The following MORN5 variants were observed in gnomAD, a reference collection of about 807,000 sequenced individuals.
MORN5 encodes MORN repeat containing 5.
Under a neutral mutation model 22.1 loss-of-function variants are expected in MORN5, and 21 were observed. That is an observed-to-expected ratio of 0.95 (90% CI 0.67 to 1.37). The LOEUF (loss-of-function observed/expected upper bound fraction) is 1.37, where lower values mean the gene tolerates loss of function less well. MORN5 is among the 40% of genes most tolerant of loss of function. MORN5 has a pLI of 0.00. For synonymous variants in MORN5, 73 were observed against 74.0 expected, an observed-to-expected ratio of 0.99 and a Z score of 0.07; for missense variants, 211 against 215.1, an observed-to-expected ratio of 0.98 and a Z score of 0.12.
At chr9:122,182,750 C>CA (rs1245539695) in intron 4 of MORN5, among the ~76,000 whole-genome samples, 1 of 152,172 alleles carries the variant, frequency 6.6e-6, no homozygotes, top group African/African-American at 2.4e-5. Context: ...GACTCAGTCT[C>CA]AAAAACCAAC....
chr9:122,189,152 G>A (rs1034253249), intron 4 of MORN5, among the ~76,000 whole-genome samples: 6 of 151,476 alleles, frequency 4.0e-5, no homozygotes, highest in African/African-American at 1.2e-4. Flanking sequence ...CCAAGATCAC[G>A]CCACTGCACT....
At chr9:122,185,914 C>T (rs935562291) in intron 4 of MORN5, among the ~76,000 whole-genome samples, 1 of 152,182 alleles carries the variant, frequency 6.6e-6, no homozygotes, top group Non-Finnish European at 1.5e-5. Context: ...AGTGAGACTC[C>T]CCCACAGCCT....
chr9:122,180,730 C>T (rs993111656), intron 4 of MORN5, among the ~76,000 whole-genome samples: 1 of 152,322 alleles, frequency 6.6e-6, no homozygotes, highest in East Asian at 1.9e-4. Context: ...TCCTCCACTC[C>T]ACTGCTTTGC....
chr9:122,166,132 C>T (rs1238264895), intron 1 of MORN5, among the ~76,000 whole-genome samples: 1 of 152,120 alleles, frequency 6.6e-6, no homozygotes, highest in Non-Finnish European at 1.5e-5. Flanking sequence ...GACTTATTCA[C>T]TATCATGAGA....
At chr9:122,173,188 C>A (rs1014876826) in intron 3 of MORN5, among the ~76,000 whole-genome samples, 15 of 152,208 alleles carry the variant, frequency 9.9e-5, no homozygotes, top group African/African-American at 3.4e-4. Flanking sequence ...TCTCCTGTGA[C>A]CCTCAGAAGA....
intron 2 of MORN5, among the ~76,000 whole-genome samples, chr9:122,168,887 A>T (rs558721481): frequency 2.2e-4 from 33 of 152,292 alleles, no homozygotes; most frequent in African/African-American, 7.5e-4. Context: ...AAGCCTCCCA[A>T]TCTTCCCTCT....
rs1829339845 is a variant in MORN5, at chr9:122,169,753, G to A, written c.304G>A (p.Ala102Thr). Residue 102 changes from alanine to threonine, a missense_variant, in exon 3 of 5, where the codon GCA (alanine) becomes ACA (threonine). Physicochemically the swap from Ala to Thr is moderately conservative, Grantham distance 58. Coordinates refer to ENST00000373764, the MANE Select transcript of MORN5 (RefSeq NM_198469.4). Reference sequence around the variant, plus strand: ...AGAGATCCTCAATGGCTTGAAGCCTGCAGGTACCCAGGCACCCACCCTTTC... The same window carrying A: ...AGAGATCCTCAATGGCTTGAAGCCTACAGGTACCCAGGCACCCACCCTTTC... Reference protein sequence around the residue: ...YTEILNGLKPAGMAQLTNMDP... With the variant: ...YTEILNGLKPTGMAQLTNMDP... 3 of 1,607,626 alleles carry A rather than the reference G, an allele frequency of 1.9e-6. No individual in the cohort carries two copies. The highest frequency in any genetic ancestry group is 1.7e-5 in the Admixed American group (1 of 59,992).
At chr9:122,191,521 G>T (rs762955824) in intron 4 of MORN5, among the ~76,000 whole-genome samples, 57 of 152,248 alleles carry the variant, frequency 3.7e-4, no homozygotes, top group Middle Eastern at 3.4e-3. Context: ...CGCGGAGCTG[G>T]GCACCTCCTA....
intron 1 of MORN5, among the ~76,000 whole-genome samples, chr9:122,160,906 T>A (rs946335259): frequency 6.6e-6 from 1 of 152,228 alleles, no homozygotes; most frequent in Non-Finnish European, 1.5e-5. Flanking sequence ...GTTGAGTGGC[T>A]ACCGAGTACC....
Position 122,200,001 on chromosome 9 carries a change from C to G in MORN5, c.*70C>G. 1 of 1,517,332 alleles carries G rather than the reference C, an allele frequency of 6.6e-7. No individual in the cohort carries two copies. Among genetic ancestry groups the G allele is most frequent in the African/African-American group, 1.4e-5 (1 of 73,166 alleles). The allele number at this position is 1,517,332 out of a possible 1,614,324, so 94.0% of individuals were successfully genotyped here. ...GCCTCCACCAGAGGTTTCCATCTGC[C>G]CTACTAGCATTGGCTGCCCTGGGGG... is the stretch of plus-strand genomic sequence containing the variant. On this transcript the variant is annotated 3_prime_UTR_variant, in exon 5 of 5. Transcript: ENST00000373764.
chr9:122,188,729 G>A (rs980209101), intron 4 of MORN5, among the ~76,000 whole-genome samples: 4 of 152,196 alleles, frequency 2.6e-5, no homozygotes, highest in African/African-American at 4.8e-5. Flanking sequence ...AGAAAAGGGG[G>A]CACCAGGAAG....
chr9:122,198,079 G>A (rs1829934925), intron 4 of MORN5, among the ~76,000 whole-genome samples: 1 of 152,198 alleles, frequency 6.6e-6, no homozygotes, highest in East Asian at 1.9e-4. Flanking sequence ...AGGTCAGGCT[G>A]CAGAGCCTGG....
At chr9:122,190,362 C>A (rs1564423153) in intron 4 of MORN5, among the ~76,000 whole-genome samples, 1 of 152,140 alleles carries the variant, frequency 6.6e-6, no homozygotes, top group Non-Finnish European at 1.5e-5. Flanking sequence ...TACTACGAGT[C>A]TTTAACAATT....
At chr9:122,194,373 TGGATAG>T (rs1829839495) in intron 4 of MORN5, among the ~76,000 whole-genome samples, 3 of 152,294 alleles carry the variant, frequency 2.0e-5, no homozygotes, top group South Asian at 4.1e-4. Flanking sequence ...GCTTACAGTC[TGGATAG>T]GGAGACAGAC....
chr9:122,164,010 C>A (rs941055196), intron 1 of MORN5, among the ~76,000 whole-genome samples: 2 of 152,160 alleles, frequency 1.3e-5, no homozygotes, highest in African/African-American at 4.8e-5. Context: ...TCAGCCTCCC[C>A]AGTAGCTGGG....
At position 122,168,847 on chromosome 9, in the gene MORN5, G is replaced by A. The variant is rs568540896; in HGVS notation, c.196-798G>A. ...ATGTATGGAAAGAGATTTATATTAG[G>A]GATTGGCTCACAAGATTATGGAGGC... On this transcript the variant is annotated intron_variant, in intron 2 of 4. Coordinates refer to ENST00000373764, the MANE Select transcript of MORN5 (RefSeq NM_198469.4). Among the ~76,000 whole-genome samples the A allele has an allele frequency of 8.5e-5, 13 of 152,136 alleles. No individual in the cohort carries two copies. The South Asian group carries it at 2.1e-3, about 24-fold the overall frequency.
At chr9:122,188,395 A>G (rs756521895) in intron 4 of MORN5, among the ~76,000 whole-genome samples, 5 of 152,192 alleles carry the variant, frequency 3.3e-5, no homozygotes, top group African/African-American at 9.7e-5. Flanking sequence ...TGAGTATTCA[A>G]TGAGTTCTGG....
At chr9:122,167,044 C>A in intron 2 of MORN5, 129 bp downstream of exon 2, 2 of 813,084 alleles carry the variant, frequency 2.5e-6, no homozygotes, top group Non-Finnish European at 1.8e-6. Flanking sequence ...TGCTTCTCCC[C>A]CACTCCCCCC....
Position 122,170,636 on chromosome 9 carries a change from G to A in MORN5, c.307+880G>A, listed in dbSNP as rs184032055. Among the ~76,000 whole-genome samples, 4 of 152,290 alleles carry A rather than the reference G, an allele frequency of 2.6e-5. No individual in the cohort carries two copies. In the East Asian group the frequency reaches 7.7e-4, roughly 29 times the overall value. On this transcript the variant is annotated intron_variant, in intron 3 of 4. Coordinates refer to ENST00000373764, the MANE Select transcript of MORN5 (RefSeq NM_198469.4). ...TCCCATGTCACTCCAGGTTGAGGCT[G>A]TGGAGTTCAGACATGGTTCCCTGTG... is the stretch of plus-strand genomic sequence containing the variant.
Sources: gnomAD v4.1 joint callset for allele counts (sites outside exome capture counted in the v4.1 genomes callset) on GRCh38, gnomAD v4.1.1 for gene constraint, MANE v1.5 for transcripts, NCBI Gene and HGNC (gene_info 2026-07-23, HGNC 2026-07-21) for gene names.